The following STXBP4 variants were observed in gnomAD, a reference collection of about 807,000 sequenced individuals.
The protein encoded by STXBP4 is syntaxin-binding protein 4.
Under a neutral mutation model 76.1 loss-of-function variants are expected in STXBP4, and 55 were observed. The observed-to-expected ratio is 0.72, with a 90% CI of 0.58 to 0.91. The LOEUF (loss-of-function observed/expected upper bound fraction) is 0.91. Among genes scored for constraint, STXBP4 ranks in the 40% least tolerant of loss-of-function variants. The pLI, the probability that STXBP4 is intolerant of heterozygous loss-of-function variation, is 0.00. For missense variants in STXBP4, 618 were observed against 636.9 expected (o/e 0.97, Z 0.32); for synonymous variants, 201 against 220.2 (o/e 0.91, Z 0.77).
intron 13 of STXBP4, among the ~76,000 whole-genome samples, chr17:55,075,859 G>A (rs2079175835): frequency 6.6e-6 from 1 of 152,104 alleles, no homozygotes; most frequent in South Asian, 2.1e-4. Flanking sequence ...GTGATATCAG[G>A]TTGGTAGCTT....
chr17:55,054,275 C>G (rs1262021350), intron 12 of STXBP4, among the ~76,000 whole-genome samples: 3 of 152,044 alleles, frequency 2.0e-5, no homozygotes, highest in Non-Finnish European at 4.4e-5. Flanking sequence ...TCACTTGAGG[C>G]CAGAAGTTCA....
At chr17:55,032,936 G>T (rs1166328166) in intron 9 of STXBP4, among the ~76,000 whole-genome samples, 2 of 152,110 alleles carry the variant, frequency 1.3e-5, no homozygotes, top group African/African-American at 4.8e-5. Context: ...CTTTTTTAGT[G>T]CCCGATTCTT....
chr17:55,063,640 C>T (rs1484773), intron 12 of STXBP4, among the ~76,000 whole-genome samples: 30,050 of 152,016 alleles, frequency 0.2, 3,527 homozygotes, highest in East Asian at 0.49. Context: ...ACATACAGTT[C>T]TACAAGGAGC....
the STXBP4 span, among the ~76,000 whole-genome samples, chr17:55,182,858 T>C: frequency 6.6e-6 from 1 of 152,030 alleles, no homozygotes; most frequent in Non-Finnish European, 1.5e-5. Flanking sequence ...AATAATGGCT[T>C]TTAAGAACAA....
At chr17:55,178,846 TCAATGGAGGAAGAGGCCTAAC>T in the STXBP4 span, among the ~76,000 whole-genome samples, 6 of 152,302 alleles carry the variant, frequency 3.9e-5, 1 homozygote, top group Admixed American at 3.3e-4. Context: ...ATCCAGACCT[TCAATGGAGGAAGAGGCCTAAC>T]CCATACTGGG....
rs995438404 is a variant in STXBP4, at chr17:55,161,966, A to C, written c.*2055A>C. The C allele has an allele frequency of 3.9e-5, 6 of 152,214 alleles. No individual in the cohort carries two copies. Among genetic ancestry groups the C allele is most frequent in the Non-Finnish European group, 7.3e-5 (5 of 68,046 alleles). The allele number at this position is 152,214 out of a possible 1,614,324, so 9.4% of individuals were successfully genotyped here. A position where few individuals can be genotyped will look rare whatever the true frequency, so the allele number is the denominator to read the frequency against. On this transcript the variant is annotated 3_prime_UTR_variant, in exon 18 of 18. Coordinates refer to ENST00000376352, the MANE Select transcript of STXBP4 (RefSeq NM_178509.6). ...GGAGAACTGCTTAGATTCATTGTCT[A>C]TGGGTACATTTTATAAAAAGGCAGA...
intron 16 of STXBP4, among the ~76,000 whole-genome samples, chr17:55,123,041 A>C (rs2079863990): frequency 6.6e-6 from 1 of 152,182 alleles, no homozygotes; most frequent in Non-Finnish European, 1.5e-5. Context: ...TAAATGTGTT[A>C]TCCCTCTCCT....
intron 17 of STXBP4, among the ~76,000 whole-genome samples, chr17:55,149,517 G>A (rs1019768343): frequency 2.0e-5 from 3 of 152,130 alleles, no homozygotes; most frequent in Non-Finnish European, 4.4e-5. Context: ...GAAATTTGGG[G>A]TAAAAAGCAC....
chr17:55,144,261 C>G (rs2080126650), intron 17 of STXBP4, among the ~76,000 whole-genome samples: 2 of 152,070 alleles, frequency 1.3e-5, no homozygotes. Flanking sequence ...TATGCCATTA[C>G]TTCTTTTACC....
downstream of STXBP4, among the ~76,000 whole-genome samples, chr17:55,178,589 G>T (rs1043842819): frequency 1.3e-5 from 2 of 152,184 alleles, no homozygotes; most frequent in Non-Finnish European, 2.9e-5. Context: ...GAGATATATA[G>T]ATTTGTTTTA....
At chr17:55,086,536 C>A (rs190855300) in intron 16 of STXBP4, among the ~76,000 whole-genome samples, 139 of 152,278 alleles carry the variant, frequency 9.1e-4, no homozygotes, top group Non-Finnish European at 1.3e-3. Context: ...ACAAATCTCT[C>A]CCTATCCCCC....
intron 9 of STXBP4, among the ~76,000 whole-genome samples, chr17:55,031,967 T>G (rs1181289459): frequency 5.9e-5 from 9 of 152,224 alleles, no homozygotes; most frequent in Non-Finnish European, 1.0e-4. Flanking sequence ...TTTCTACTAT[T>G]GTGAATTTTG....
At chr17:55,176,214 A>G (rs1171505342), downstream of STXBP4, among the ~76,000 whole-genome samples, 3 of 152,248 alleles carry the variant, frequency 2.0e-5, no homozygotes, top group Non-Finnish European at 4.4e-5. Flanking sequence ...AGGCAAACTC[A>G]GCACAGGGGA....
At chr17:55,053,886 C>G (rs942782780) in intron 12 of STXBP4, among the ~76,000 whole-genome samples, 7 of 151,942 alleles carry the variant, frequency 4.6e-5, no homozygotes, top group African/African-American at 1.7e-4. Context: ...TTCTTTTCTC[C>G]TAAAGGCTTG....
At chr17:55,057,070 A>G (rs976153595) in intron 12 of STXBP4, among the ~76,000 whole-genome samples, 6 of 151,998 alleles carry the variant, frequency 3.9e-5, no homozygotes, top group African/African-American at 1.2e-4. Context: ...AAACTCTTAT[A>G]CTTATCTAGC....
chr17:55,070,103 T>C (rs1021770628), intron 12 of STXBP4, among the ~76,000 whole-genome samples: 1 of 152,324 alleles, frequency 6.6e-6, no homozygotes, highest in Middle Eastern at 3.4e-3. Flanking sequence ...GGCAAGGTAG[T>C]ACAGCATAGT....
At chr17:55,011,435 C>G (rs4281787) in intron 8 of STXBP4, among the ~76,000 whole-genome samples, 1 of 146,622 alleles carries the variant, frequency 6.8e-6, no homozygotes, top group Non-Finnish European at 1.5e-5. Context: ...ATTTTGAGTT[C>G]GTCATTTCTG....
the STXBP4 span, among the ~76,000 whole-genome samples, chr17:55,179,806 A>C: frequency 1.3e-5 from 2 of 152,184 alleles, no homozygotes; most frequent in Non-Finnish European, 2.9e-5. Flanking sequence ...TACATACAAA[A>C]TATGTGTTAA....
intron 6 of STXBP4, among the ~76,000 whole-genome samples, chr17:55,000,589 C>T (rs2077894779): frequency 6.6e-6 from 1 of 151,992 alleles, no homozygotes; most frequent in Non-Finnish European, 1.5e-5. Flanking sequence ...AGATGAGTGG[C>T]CTTATATTTT....
Sources: gnomAD v4.1 joint callset for allele counts (sites outside exome capture counted in the v4.1 genomes callset) on GRCh38, gnomAD v4.1.1 for gene constraint, MANE v1.5 for transcripts, NCBI Gene and HGNC (gene_info 2026-07-23, HGNC 2026-07-21) for gene names.